NIPSNAP1: variants seen among roughly 807,000 people sequenced by gnomAD.
The protein encoded by NIPSNAP1 is nipsnap homolog 1, also known as protein NipSnap homolog 1.
In NIPSNAP1, 25 loss-of-function variants were observed where a neutral mutation model predicts 49.2. The ratio of observed to expected loss-of-function variants is 0.51; its 90% CI spans 0.37 to 0.71. NIPSNAP1 has a LOEUF of 0.71. Ranked by LOEUF, NIPSNAP1 falls within the 30% of genes least tolerant of loss-of-function variation. NIPSNAP1 has a pLI of 0.00. For missense variants in NIPSNAP1, 294 were observed against 361.0 expected, an observed-to-expected ratio of 0.81 and a Z score of 1.50; for synonymous variants, 143 against 140.7, an observed-to-expected ratio of 1.02 and a Z score of -0.12.
chr22:29,572,808 A>AAAAAT (rs1601495355), intron 1 of NIPSNAP1, among the ~76,000 whole-genome samples: 1 of 151,638 alleles, frequency 6.6e-6, no homozygotes, highest in East Asian at 1.9e-4. Context: ...CAAAAAAATA[A>AAAAAT]AATAAAATAA....
intron 4 of NIPSNAP1, chr22:29,564,431 G>T: frequency 2.1e-6 from 1 of 470,040 alleles, no homozygotes. Flanking sequence ...CAAGAGGAAG[G>T]AATTTTCTTT....
chr22:29,567,172 T>C (rs2064373604), intron 4 of NIPSNAP1, among the ~76,000 whole-genome samples: 1 of 152,096 alleles, frequency 6.6e-6, no homozygotes, highest in African/African-American at 2.4e-5. Context: ...GTGGCTATCA[T>C]TTTGGACAGT....
intron 1 of NIPSNAP1, among the ~76,000 whole-genome samples, chr22:29,578,256 G>C (rs1194186609): frequency 6.7e-6 from 1 of 150,270 alleles, no homozygotes; most frequent in East Asian, 2.0e-4. Context: ...AGCTGGTCTT[G>C]AACTCCTGGC....
Position 29,555,881 on chromosome 22 carries a change from GTC to G in NIPSNAP1, c.*52_*53del. 1 of 1,495,276 alleles carries G rather than the reference GTC, an allele frequency of 6.7e-7. No individual in the cohort carries two copies. The highest frequency in any genetic ancestry group is 9.1e-7 in the Non-Finnish European group (1 of 1,095,456). 92.6% of individuals were successfully genotyped at this position (1,495,276 alleles called of 1,614,324 possible). A position where few individuals can be genotyped will look rare whatever the true frequency, so the allele number is the denominator to read the frequency against. On this transcript the variant is annotated 3_prime_UTR_variant, in exon 10 of 10. Transcript: ENST00000216121. ...AGACAGCAGGACCAGGAGTGCCACT[GTC>G]TGTCGGGGTTGCCTGAGGGAGAAGG...
intron 8 of NIPSNAP1, 35 bp from the exon 9 acceptor site, chr22:29,558,988 A>T: frequency 8.8e-6 from 13 of 1,480,080 alleles, no homozygotes; most frequent in Non-Finnish European, 1.2e-5. Flanking sequence ...CCTCAGGCAC[A>T]GAGGACTGGA....
rs1421586987 is a variant in NIPSNAP1, at chr22:29,581,077, A to C, written c.6T>G (p.Ala2=). 2 of 1,541,552 alleles carry C rather than the reference A, an allele frequency of 1.3e-6. No individual in the cohort carries two copies. Among genetic ancestry groups the C allele is most frequent in the African/African-American group, 2.7e-5 (2 of 72,752 alleles). Residue 2 remains alanine, a synonymous_variant, in exon 1 of 10, where the codon GCT becomes GCG. Transcript: ENST00000216121. Reference sequence around the variant, plus strand: ...TCACAGAGATGCTGCACAGCCGCGGAGCCATGTTGGAGCCGCAAAGGTTGC... The same window carrying C: ...TCACAGAGATGCTGCACAGCCGCGGCGCCATGTTGGAGCCGCAAAGGTTGC... M[A]PRLCSISVTA...
intron 1 of NIPSNAP1, among the ~76,000 whole-genome samples, chr22:29,572,591 T>C (rs1346429221): frequency 6.6e-6 from 1 of 152,042 alleles, no homozygotes; most frequent in Non-Finnish European, 1.5e-5. Context: ...GGAGGATTGC[T>C]TGAGGCCATG....
intron 1 of NIPSNAP1, chr22:29,580,285 G>T: frequency 8.0e-7 from 1 of 1,242,294 alleles, no homozygotes. Flanking sequence ...GGAGTGAGGG[G>T]CTGCCCAGGG....
chr22:29,574,354 A>G (rs1241131384), intron 1 of NIPSNAP1, among the ~76,000 whole-genome samples: 1 of 151,898 alleles, frequency 6.6e-6, no homozygotes, highest in East Asian at 1.9e-4. Context: ...TTACCTGGGA[A>G]AGAGGAATAG....
chr22:29,557,305 A>G (rs986233918), intron 9 of NIPSNAP1, among the ~76,000 whole-genome samples: 2 of 152,042 alleles, frequency 1.3e-5, no homozygotes, highest in African/African-American at 4.8e-5. Context: ...TTTTTAGTAG[A>G]GACGAGGTTT....
At chr22:29,565,718 A>G (rs568517853) in intron 4 of NIPSNAP1, among the ~76,000 whole-genome samples, 1 of 151,410 alleles carries the variant, frequency 6.6e-6, no homozygotes, top group South Asian at 2.1e-4. Flanking sequence ...GTATGATGGC[A>G]CACGCCTGTA....
chr22:29,576,397 A>C (rs1340324330), intron 1 of NIPSNAP1, among the ~76,000 whole-genome samples: 3 of 148,502 alleles, frequency 2.0e-5, no homozygotes, highest in Non-Finnish European at 3.0e-5. Flanking sequence ...AAAAAAAAAC[A>C]CTATACTTTT....
chr22:29,577,841 T>C (rs2064465895), intron 1 of NIPSNAP1, among the ~76,000 whole-genome samples: 1 of 150,304 alleles, frequency 6.7e-6, no homozygotes, highest in Non-Finnish European at 1.5e-5. Flanking sequence ...CAAGCGATTC[T>C]CCTGCCTCAG....
intron 1 of NIPSNAP1, 70 bp downstream of exon 1, chr22:29,580,915 A>C: frequency 1.6e-6 from 2 of 1,272,524 alleles, no homozygotes; most frequent in Non-Finnish European, 2.1e-6. Context: ...CTCCCCCACG[A>C]CCCAGTCCCT....
intron 4 of NIPSNAP1, 132 bp from the exon 5 acceptor site, chr22:29,561,994 G>A: frequency 1.4e-6 from 1 of 729,854 alleles, no homozygotes; most frequent in East Asian, 2.6e-5. Flanking sequence ...GACTCCCTGA[G>A]TTCCCTCTGC....
chr22:29,567,080 C>T (rs941116964), intron 4 of NIPSNAP1, among the ~76,000 whole-genome samples: 1 of 152,148 alleles, frequency 6.6e-6, no homozygotes, highest in Non-Finnish European at 1.5e-5. Context: ...CAAGATTGCA[C>T]CACTGTACCC....
intron 1 of NIPSNAP1, 107 bp from the exon 2 acceptor site, chr22:29,570,639 G>C: frequency 4.8e-6 from 7 of 1,446,654 alleles, no homozygotes; most frequent in Non-Finnish European, 6.6e-6. Flanking sequence ...ACATTTCTGG[G>C]AACAGGGCCA....
At chr22:29,580,081 G>C (rs2064486145) in intron 1 of NIPSNAP1, 1 of 1,303,692 alleles carries the variant, frequency 7.7e-7, no homozygotes, top group African/African-American at 1.5e-5. Context: ...TTGGGGGAGG[G>C]GGAACAGGTG....
Position 29,569,216 on chromosome 22 carries a change from C to G in NIPSNAP1, c.344G>C (p.Trp115Ser), listed in dbSNP as rs2064388903. The G allele has an allele frequency of 6.2e-7, 1 of 1,613,930 alleles. No homozygotes were observed. The highest frequency in any genetic ancestry group is 8.5e-7 in the Non-Finnish European group (1 of 1,179,982). The change falls in exon 4 of 10, where the codon TGG becomes TCG. Residue 115 changes from tryptophan (W) to serine (S), a missense_variant. This residue lies in a region of NIPSNAP1 where 146 missense variants were observed against 219.9 expected (regional missense o/e 0.66). Coordinates refer to ENST00000216121, the MANE Select transcript of NIPSNAP1 (RefSeq NM_003634.4). The stretch of plus-strand genomic sequence containing the variant: ...ACCTGCCTGGTCCTGCTCCCCATAC[C>G]ACGTGTTCCAGTTGCCCACGAGTGA... ...PCSLVGNWNT[W>S]YGEQDQAVHL... is the part of the protein sequence containing the mutation.
Sources: allele counts gnomAD v4.1 joint callset (sites outside exome capture counted in the v4.1 genomes callset), GRCh38; gene constraint gnomAD v4.1.1; regional missense constraint gnomAD v4.1.1; transcripts MANE v1.5; gene names NCBI Gene and HGNC (gene_info 2026-07-23, HGNC 2026-07-21).